Variants in AFAP1L1 observed in about 807,000 individuals in gnomAD.
AFAP1L1 encodes the protein actin filament associated protein 1 like 1, also known as actin filament-associated protein 1-like 1.
In AFAP1L1, 77 loss-of-function variants were observed where a neutral mutation model predicts 99.8. The observed-to-expected ratio is 0.77, with a 90% CI of 0.64 to 0.93. AFAP1L1 has a LOEUF of 0.93. AFAP1L1 is among the 40% of genes least tolerant of loss of function. AFAP1L1 has a pLI of 0.00. For synonymous variants in AFAP1L1, 373 were observed against 395.3 expected (o/e 0.94, Z 0.67); for missense variants, 893 against 996.8 (o/e 0.90, Z 1.40).
At chr5:149,312,896 G>A (rs1425562921) in intron 9 of AFAP1L1, among the ~76,000 whole-genome samples, 1 of 152,190 alleles carries the variant, frequency 6.6e-6, no homozygotes, top group East Asian at 1.9e-4. Flanking sequence ...GGAGGCCGAG[G>A]CGGGTGGATC....
intron 17 of AFAP1L1, among the ~76,000 whole-genome samples, chr5:149,334,439 T>C (rs896921982): frequency 6.6e-6 from 1 of 152,224 alleles, no homozygotes; most frequent in African/African-American, 2.4e-5. Flanking sequence ...TTGGATCCTT[T>C]TAACATTCTT....
chr5:149,284,696 A>G (rs182995439), intron 1 of AFAP1L1, among the ~76,000 whole-genome samples: 1 of 152,182 alleles, frequency 6.6e-6, no homozygotes, highest in Non-Finnish European at 1.5e-5. Context: ...ACAAAGGAAA[A>G]CTGGTGTTCT....
At position 149,307,818 on chromosome 5, in the gene AFAP1L1, TTCTCTCTC is replaced by T. The variant is rs70973517; in HGVS notation, c.747+237_747+244del. ...ACACACACACACCCTGTGCCTCTCT[TTCTCTCTC>T]TCTCTCTCTCTCTCTCTCTCTCTCT... is the stretch of plus-strand genomic sequence containing the variant. On this transcript the variant is annotated intron_variant, in intron 7 of 18. Coordinates refer to ENST00000296721, the MANE Select transcript of AFAP1L1 (RefSeq NM_152406.4). 9.1e-3 allele frequency among the ~76,000 whole-genome samples: 915 copies of T among 100,566 alleles called. 15 individuals carry two copies. The highest frequency in any genetic ancestry group is 0.022 in the African/African-American group (565 of 25,374). 66.0% of individuals were successfully genotyped at this position (100,566 alleles called of 152,430 possible). A position where few individuals can be genotyped will look rare whatever the true frequency, so the allele number is the denominator to read the frequency against.
chr5:149,275,277 A>G (rs1427918633), intron 1 of AFAP1L1, among the ~76,000 whole-genome samples: 1 of 152,200 alleles, frequency 6.6e-6, no homozygotes, highest in Non-Finnish European at 1.5e-5. Flanking sequence ...GGTGGCTGCA[A>G]CAACAGAAAT....
chr5:149,336,715 T>G (rs79110923), intron 18 of AFAP1L1, among the ~76,000 whole-genome samples: 2,675 of 152,318 alleles, frequency 0.018, 81 homozygotes, highest in African/African-American at 0.058. Context: ...ATTAATGCAT[T>G]AACTCATTAA....
intron 10 of AFAP1L1, 21 bp from the exon 11 acceptor site, chr5:149,316,130 C>G (rs199722027): frequency 1.9e-6 from 3 of 1,610,672 alleles, no homozygotes; most frequent in Non-Finnish European, 2.5e-6. Context: ...CCTCCACTCC[C>G]CTGACCCATT....
At chr5:149,296,828 A>G (rs1459637081) in intron 1 of AFAP1L1, among the ~76,000 whole-genome samples, 1 of 152,218 alleles carries the variant, frequency 6.6e-6, no homozygotes, top group Non-Finnish European at 1.5e-5. Flanking sequence ...CTCACAATTC[A>G]TCATGGCTGG....
At position 149,335,683 on chromosome 5, in the gene AFAP1L1, C is replaced by T; in HGVS notation, c.2244C>T (p.Ile748=). 8 of 1,613,930 alleles carry T rather than the reference C, an allele frequency of 5.0e-6. No homozygotes were observed. The highest frequency in any genetic ancestry group is 3.3e-5 in the South Asian group (3 of 91,050). The change falls in exon 18 of 19, where the codon ATC becomes ATT. Residue 748 remains isoleucine, a synonymous_variant. Coordinates refer to ENST00000296721, the MANE Select transcript of AFAP1L1 (RefSeq NM_152406.4). ...VSELRKRSPS[I]VASNQGRVLQ... Reference sequence around the variant, plus strand: ...AGCTGAGGAAGAGGAGCCCATCCATCGTAGCCTCCAACCAAGGAAGGGTGC... The same window carrying T: ...AGCTGAGGAAGAGGAGCCCATCCATTGTAGCCTCCAACCAAGGAAGGGTGC...
At chr5:149,335,537 G>T in intron 17 of AFAP1L1, 57 bp from the exon 18 acceptor site, 1 of 1,579,110 alleles carries the variant, frequency 6.3e-7, no homozygotes, top group Non-Finnish European at 8.6e-7. Flanking sequence ...GGCAGGCTGG[G>T]TGTGTAGGTA....
intron 18 of AFAP1L1, among the ~76,000 whole-genome samples, chr5:149,339,451 C>CA (rs1456586600): frequency 6.6e-6 from 1 of 152,160 alleles, no homozygotes; most frequent in Non-Finnish European, 1.5e-5. Context: ...CTCGGCCTCC[C>CA]AAAGTGCTGG....
intron 17 of AFAP1L1, 57 bp downstream of exon 17, chr5:149,332,930 A>G: frequency 6.8e-7 from 1 of 1,460,990 alleles, no homozygotes; most frequent in African/African-American, 1.4e-5. Flanking sequence ...TCCACTCACT[A>G]CAGATCTCTT....
At chr5:149,335,795 C>G in intron 18 of AFAP1L1, 73 bp downstream of exon 18, 1 of 1,562,748 alleles carries the variant, frequency 6.4e-7, no homozygotes, top group Non-Finnish European at 8.7e-7. Flanking sequence ...CACCCAAAAC[C>G]AAAAAATCAA....
chr5:149,298,970 A>G (rs1176901580), intron 1 of AFAP1L1, among the ~76,000 whole-genome samples: 1 of 152,246 alleles, frequency 6.6e-6, no homozygotes, highest in African/African-American at 2.4e-5. Context: ...GGCACTGATA[A>G]CATGGAGTGA....
intron 18 of AFAP1L1, among the ~76,000 whole-genome samples, chr5:149,336,366 T>C (rs138244684): frequency 3.5e-4 from 54 of 152,372 alleles, no homozygotes; most frequent in Non-Finnish European, 6.2e-4. Flanking sequence ...CAAATGAGTC[T>C]ATACCAAAAC....
Position 149,311,033 on chromosome 5 carries a change from A to G in AFAP1L1, c.927+898A>G, listed in dbSNP as rs962950455. Among the ~76,000 whole-genome samples, 4 of 152,066 alleles carry G rather than the reference A, an allele frequency of 2.6e-5. No individual in the cohort carries two copies. In the East Asian group the frequency reaches 7.7e-4, roughly 29 times the overall value. On this transcript the variant is annotated intron_variant, in intron 8 of 18. Coordinates refer to ENST00000296721, the MANE Select transcript of AFAP1L1 (RefSeq NM_152406.4). ...GAGTGTGTGGTAACTGTCAGTAACT[A>G]CTGTTGTGATGACTGCGATGCCCCA...
intron 15 of AFAP1L1, among the ~76,000 whole-genome samples, chr5:149,326,125 GA>G (rs1221108021): frequency 3.3e-5 from 5 of 152,220 alleles, no homozygotes. Flanking sequence ...AGTTGGAACA[GA>G]GTGTGGGAAA....
intron 1 of AFAP1L1, among the ~76,000 whole-genome samples, chr5:149,290,654 G>C (rs1478188339): frequency 3.9e-5 from 6 of 152,174 alleles, no homozygotes. Context: ...GAGCATTTGG[G>C]AGCCTAGCCA....
chr5:149,287,718 G>A (rs1277352212), intron 1 of AFAP1L1, among the ~76,000 whole-genome samples: 2 of 151,242 alleles, frequency 1.3e-5, no homozygotes, highest in Non-Finnish European at 2.9e-5. Context: ...GAGTAGCTGG[G>A]ACTACAGACA....
rs2127593537 is a variant in AFAP1L1, at chr5:149,298,650, C to T, written c.17-859C>T. Among the ~76,000 whole-genome samples, 2 of 152,316 alleles carry T rather than the reference C, an allele frequency of 1.3e-5. 1 individual carries two copies. Among genetic ancestry groups the T allele is most frequent in the East Asian group, 3.9e-4 (2 of 5,190 alleles). The stretch of plus-strand genomic sequence containing the variant: ...TGGGTTGCAAAGCAGGGCAATACTA[C>T]TGTGATGAAGCTGGTCTTTGGCTCT... On this transcript the variant is annotated intron_variant, in intron 1 of 18. Coordinates refer to ENST00000296721, the MANE Select transcript of AFAP1L1 (RefSeq NM_152406.4).
Sources: gnomAD v4.1 joint callset for allele counts (sites outside exome capture counted in the v4.1 genomes callset) on GRCh38, gnomAD v4.1.1 for gene constraint, MANE v1.5 for transcripts, NCBI Gene and HGNC (gene_info 2026-07-23, HGNC 2026-07-21) for gene names.